Variants in NAALADL2 observed in about 807,000 individuals in gnomAD.
The protein encoded by NAALADL2 is N-acetylated alpha-linked acidic dipeptidase like 2, also known as inactive N-acetylated-alpha-linked acidic dipeptidase-like protein 2.
A neutral mutation model predicts 87.2 loss-of-function variants in NAALADL2; 76 were observed. The ratio of observed to expected loss-of-function variants is 0.87; its 90% CI spans 0.72 to 1.05. NAALADL2 has a LOEUF of 1.05. NAALADL2 is among the 50% of genes least tolerant of loss of function. The probability of loss-of-function intolerance (pLI) is 0.00; values close to 1 mark genes in which losing one functional copy is unlikely to be tolerated. For missense variants in NAALADL2, 1,089 were observed against 945.8 expected (o/e 1.15, Z -1.99); for synonymous variants, 354 against 331.0 (o/e 1.07, Z -0.75).
chr3:175,439,400 T>A (rs1719311886), intron 5 of NAALADL2, among the ~76,000 whole-genome samples: 1 of 152,062 alleles, frequency 6.6e-6, no homozygotes, highest in Non-Finnish European at 1.5e-5. Flanking sequence ...TATTTTTAGT[T>A]CTTTAAGGAA....
intron 1 of NAALADL2, among the ~76,000 whole-genome samples, chr3:175,054,911 T>C (rs555950429): frequency 3.3e-4 from 51 of 152,294 alleles, no homozygotes; most frequent in African/African-American, 1.2e-3. Context: ...AAGTTATAAT[T>C]GGTTGAATAG....
At chr3:174,732,520 C>T (rs2108986736) in intron 2 of NAALADL2, among the ~76,000 whole-genome samples, 1 of 152,196 alleles carries the variant, frequency 6.6e-6, no homozygotes, top group Non-Finnish European at 1.5e-5. Context: ...TATATATTAA[C>T]ACAGTGATAG....
intron 2 of NAALADL2, among the ~76,000 whole-genome samples, chr3:175,171,885 A>T (rs1734889081): frequency 6.6e-6 from 1 of 152,116 alleles, no homozygotes; most frequent in Non-Finnish European, 1.5e-5. Context: ...GAGTAGAATG[A>T]TAGTTACCAA....
At chr3:174,517,339 G>A (rs542330359) in intron 1 of NAALADL2, among the ~76,000 whole-genome samples, 3 of 152,136 alleles carry the variant, frequency 2.0e-5, no homozygotes, top group South Asian at 4.1e-4. Flanking sequence ...AGTGCTTTCA[G>A]AACAATTATC....
chr3:175,797,655 A>C (rs988472320), intron 13 of NAALADL2, among the ~76,000 whole-genome samples: 4 of 152,094 alleles, frequency 2.6e-5, no homozygotes, highest in African/African-American at 4.8e-5. Flanking sequence ...AATCTGAAAA[A>C]TGGGTCTATA....
intron 3 of NAALADL2, among the ~76,000 whole-genome samples, chr3:174,798,290 TA>T (rs922948646): frequency 2.0e-5 from 3 of 152,226 alleles, no homozygotes; most frequent in African/African-American, 7.2e-5. Flanking sequence ...TTTTCATTCT[TA>T]ATTGTTTTAA....
At chr3:175,488,265 G>A (rs1173872623) in intron 9 of NAALADL2, among the ~76,000 whole-genome samples, 7 of 152,158 alleles carry the variant, frequency 4.6e-5, no homozygotes, top group African/African-American at 9.7e-5. Context: ...GGACAAGCAC[G>A]AATTAGTTTG....
At chr3:175,685,824 T>C (rs1258108889) in intron 11 of NAALADL2, among the ~76,000 whole-genome samples, 1 of 152,176 alleles carries the variant, frequency 6.6e-6, no homozygotes, top group Non-Finnish European at 1.5e-5. Flanking sequence ...GTCAGTCTTC[T>C]TGTTCTATTC....
chr3:175,695,672 G>T (rs1020933233), intron 11 of NAALADL2, among the ~76,000 whole-genome samples: 3 of 152,048 alleles, frequency 2.0e-5, no homozygotes, highest in Non-Finnish European at 4.4e-5. Context: ...CTAAAAAATA[G>T]TAGAAATAAA....
chr3:175,332,592 C>A (rs2110507793), intron 5 of NAALADL2, among the ~76,000 whole-genome samples: 1 of 152,338 alleles, frequency 6.6e-6, no homozygotes, highest in East Asian at 1.9e-4. Context: ...TGAGTCACCA[C>A]ACCTGGCTGT....
At chr3:175,188,499 C>T (rs1376025810) in intron 2 of NAALADL2, among the ~76,000 whole-genome samples, 5 of 152,270 alleles carry the variant, frequency 3.3e-5, no homozygotes, top group South Asian at 4.1e-4. Flanking sequence ...CATGTAGCTG[C>T]ACCTTCTGGG....
In NAALADL2 at chr3:174,701,381, C is replaced by A. The variant is rs142719290; in HGVS notation, c.-114-36260C>A. Among the ~76,000 whole-genome samples the A allele has an allele frequency of 7.5e-3, 1,144 of 151,922 alleles. 16 individuals carry two copies. Among genetic ancestry groups the A allele is most frequent in the Middle Eastern group, 0.027 (8 of 294 alleles). On this transcript the variant is annotated intron_variant, in intron 2 of 3. Transcript: ENST00000434257. Reference sequence around the variant, plus strand: ...TCTGAAATGATATCTCTTTATAGATCATTTTCACCAAATAATATATACAGA... The same window carrying A: ...TCTGAAATGATATCTCTTTATAGATAATTTTCACCAAATAATATATACAGA...
intron 9 of NAALADL2, among the ~76,000 whole-genome samples, chr3:175,566,886 G>A (rs1717230057): frequency 6.6e-6 from 1 of 152,002 alleles, no homozygotes. Context: ...ATACAGAAAA[G>A]TTATAATTTT....
chr3:175,639,312 G>A (rs1728963019), intron 11 of NAALADL2, among the ~76,000 whole-genome samples: 1 of 120,128 alleles, frequency 8.3e-6, no homozygotes, highest in African/African-American at 3.7e-5. Flanking sequence ...TTTCAAAAGC[G>A]TTATTCTTTT....
At chr3:175,438,903 A>G (rs1719207925) in intron 5 of NAALADL2, among the ~76,000 whole-genome samples, 1 of 151,996 alleles carries the variant, frequency 6.6e-6, no homozygotes, top group Non-Finnish European at 1.5e-5. Flanking sequence ...GTTTGGTTAT[A>G]TGAATAAGTC....
At position 175,805,700 on chromosome 3, in the gene NAALADL2, C is replaced by G. The variant is rs1364119134; in HGVS notation, c.*2497C>G. 2 of 151,788 alleles carry G rather than the reference C, an allele frequency of 1.3e-5. No homozygotes were observed. The highest frequency in any genetic ancestry group is 4.8e-5 in the African/African-American group (2 of 41,370). 9.4% of individuals were successfully genotyped at this position (151,788 alleles called of 1,614,324 possible). A position where few individuals can be genotyped will look rare whatever the true frequency, so the allele number is the denominator to read the frequency against. The stretch of plus-strand genomic sequence containing the variant: ...AGCTGTTGCTGAGTCGTCTATATGC[C>G]TGGTACTTCTCACAATCTTTCATAC... On this transcript the variant is annotated 3_prime_UTR_variant, in exon 14 of 14. Coordinates refer to ENST00000454872, the MANE Select transcript of NAALADL2 (RefSeq NM_207015.3).
At chr3:175,328,709 C>G (rs192507411) in intron 5 of NAALADL2, among the ~76,000 whole-genome samples, 435 of 152,196 alleles carry the variant, frequency 2.9e-3, no homozygotes, top group Non-Finnish European at 5.3e-3. Flanking sequence ...ATTGGGCATC[C>G]AAACTGATAT....
At chr3:175,573,226 C>T (rs1055095321) in intron 9 of NAALADL2, among the ~76,000 whole-genome samples, 1 of 152,094 alleles carries the variant, frequency 6.6e-6, no homozygotes, top group Non-Finnish European at 1.5e-5. Context: ...GTATGTAAAA[C>T]AAAATTAATG....
intron 2 of NAALADL2, among the ~76,000 whole-genome samples, chr3:174,620,303 A>C (rs1308874531): frequency 6.6e-6 from 1 of 152,022 alleles, no homozygotes; most frequent in African/African-American, 2.4e-5. Flanking sequence ...AAATATCAAA[A>C]TGGGCACTGA....
Sources: gnomAD v4.1 joint callset for allele counts (sites outside exome capture counted in the v4.1 genomes callset) on GRCh38, gnomAD v4.1.1 for gene constraint, MANE v1.5 for transcripts, NCBI Gene and HGNC (gene_info 2026-07-23, HGNC 2026-07-21) for gene names.